Variants in CPEB3 observed in about 807,000 individuals in gnomAD.
CPEB3 encodes the protein cytoplasmic polyadenylation element binding protein 3, also known as cytoplasmic polyadenylation element-binding protein 3.
A neutral mutation model predicts 67.2 loss-of-function variants in CPEB3; 20 were observed. That is an observed-to-expected ratio of 0.30 (90% CI 0.21 to 0.43). The LOEUF is 0.43. CPEB3 is among the 20% of genes least tolerant of loss of function. The pLI is 1.00. For missense variants in CPEB3, 746 were observed against 968.6 expected (o/e 0.77, Z 3.05); for synonymous variants, 376 against 393.1 (o/e 0.96, Z 0.51).
At chr10:92,250,328 C>T (rs555878011) in intron 1 of CPEB3, among the ~76,000 whole-genome samples, 7 of 151,878 alleles carry the variant, frequency 4.6e-5, no homozygotes, top group South Asian at 4.2e-4. Flanking sequence ...CCTCGTGATC[C>T]GCCCACCCTC....
intron 1 of CPEB3, among the ~76,000 whole-genome samples, chr10:92,259,463 T>C (rs1469753587): frequency 6.6e-6 from 1 of 151,868 alleles, no homozygotes; most frequent in South Asian, 2.1e-4. Flanking sequence ...TAGCCGGGCG[T>C]GGTGGCACAT....
chr10:92,198,068 T>C lies in CPEB3; in HGVS notation c.1006-5432A>G, dbSNP rs899521450. Among the ~76,000 whole-genome samples the C allele has an allele frequency of 7.9e-5, 12 of 152,258 alleles. No homozygotes were observed. In the East Asian group the frequency reaches 1.5e-3, roughly 20 times the overall value. On this transcript the variant is annotated intron_variant, in intron 2 of 9. Coordinates refer to ENST00000265997, the MANE Select transcript of CPEB3 (RefSeq NM_014912.5). Reference sequence around the variant, plus strand: ...CTGCAGTGAGCCGAGATCACGCCATTGCACTCCACCCTGGGTGACACAGTG... The same window carrying C: ...CTGCAGTGAGCCGAGATCACGCCATCGCACTCCACCCTGGGTGACACAGTG...
At chr10:92,277,936 G>A (rs1014937243) in intron 1 of CPEB3, among the ~76,000 whole-genome samples, 4 of 150,232 alleles carry the variant, frequency 2.7e-5, no homozygotes, top group Admixed American at 1.3e-4. Flanking sequence ...TGTAATCCCA[G>A]CACTTTGGGA....
At chr10:92,209,856 G>T (rs1006485895) in intron 2 of CPEB3, among the ~76,000 whole-genome samples, 1 of 148,796 alleles carries the variant, frequency 6.7e-6, no homozygotes, top group Non-Finnish European at 1.5e-5. Context: ...AGAATCACTT[G>T]TACCCGAGAG....
chr10:92,290,884 G>C (rs370591755), intron 1 of CPEB3, 42 bp downstream of exon 1: 1 of 153,132 alleles, frequency 6.5e-6, no homozygotes, highest in African/African-American at 2.4e-5. Context: ...CCCACCTGAG[G>C]GCAAGAGCGG....
intron 6 of CPEB3, among the ~76,000 whole-genome samples, chr10:92,141,849 T>C (rs1487680512): frequency 6.6e-6 from 1 of 150,414 alleles, no homozygotes; most frequent in East Asian, 1.9e-4. Context: ...AAACCCTGTC[T>C]CTACTAAAAA....
chr10:92,105,620 T>C (rs1209832529), intron 7 of CPEB3, among the ~76,000 whole-genome samples: 1 of 152,238 alleles, frequency 6.6e-6, no homozygotes, highest in African/African-American at 2.4e-5. Flanking sequence ...TGTATCTTAT[T>C]CTTTTGTTTT....
chr10:92,067,854 G>A (rs1346992581), intron 9 of CPEB3, among the ~76,000 whole-genome samples: 1 of 152,082 alleles, frequency 6.6e-6, no homozygotes, highest in African/African-American at 2.4e-5. Flanking sequence ...TAAAATTAAA[G>A]TGGCAATGTG....
intron 8 of CPEB3, among the ~76,000 whole-genome samples, chr10:92,089,452 C>T (rs562899785): frequency 6.6e-6 from 1 of 151,938 alleles, no homozygotes; most frequent in Admixed American, 6.6e-5. Context: ...ACTATAAAAA[C>T]AAAACATTTT....
chr10:92,290,621 T>G (rs1308629685), intron 1 of CPEB3, among the ~76,000 whole-genome samples: 1 of 152,144 alleles, frequency 6.6e-6, no homozygotes, highest in South Asian at 2.1e-4. Flanking sequence ...GGAAGCTGTC[T>G]GGTCCAGGCA....
At chr10:92,203,367 T>C (rs1209457559) in intron 2 of CPEB3, among the ~76,000 whole-genome samples, 1 of 146,224 alleles carries the variant, frequency 6.8e-6, no homozygotes, top group Non-Finnish European at 1.5e-5. Flanking sequence ...TATATATATG[T>C]ATATATGTAT....
intron 7 of CPEB3, among the ~76,000 whole-genome samples, chr10:92,107,308 A>G (rs1218306061): frequency 6.6e-6 from 1 of 152,176 alleles, no homozygotes; most frequent in Admixed American, 6.5e-5. Context: ...TAGCAAAATC[A>G]CTCTGTTGTA....
intron 9 of CPEB3, among the ~76,000 whole-genome samples, chr10:92,075,566 A>G (rs1363788336): frequency 6.6e-6 from 1 of 152,252 alleles, no homozygotes; most frequent in African/African-American, 2.4e-5. Context: ...ACAGCTCAAT[A>G]AAGCTGTTAC....
chr10:92,155,794 C>T (rs968137395), intron 4 of CPEB3, among the ~76,000 whole-genome samples: 1 of 151,868 alleles, frequency 6.6e-6, no homozygotes, highest in Admixed American at 6.6e-5. Context: ...CAAAGAAGAT[C>T]GTGACTTTTG....
At chr10:92,142,995 C>A (rs770164952) in intron 6 of CPEB3, 34 bp downstream of exon 6, 1 of 1,469,592 alleles carries the variant, frequency 6.8e-7, no homozygotes, top group East Asian at 2.3e-5. Context: ...ATCTCTCCAA[C>A]AGGCAAGCAG....
intron 2 of CPEB3, among the ~76,000 whole-genome samples, chr10:92,223,567 CT>C (rs903904452): frequency 3.3e-3 from 282 of 84,190 alleles, no homozygotes; most frequent in East Asian, 8.5e-3. Flanking sequence ...CTAATTATTT[CT>C]TTTTTTTTTT....
intron 6 of CPEB3, among the ~76,000 whole-genome samples, chr10:92,121,589 A>AT (rs1209468784): frequency 0.014 from 2,074 of 145,254 alleles, 49 homozygotes; most frequent in African/African-American, 0.048. Context: ...AGAGATGTGT[A>AT]TTTTTTTTTT....
chr10:92,213,564 T>C (rs1369470933), intron 2 of CPEB3, among the ~76,000 whole-genome samples: 1 of 152,220 alleles, frequency 6.6e-6, no homozygotes, highest in Non-Finnish European at 1.5e-5. Context: ...AGGCATAATA[T>C]ATCAATTTCA....
intron 1 of CPEB3, chr10:92,272,378 A>G (rs920109110): frequency 6.6e-6 from 1 of 152,104 alleles, no homozygotes; most frequent in Non-Finnish European, 1.5e-5. Flanking sequence ...AATTTCTCCA[A>G]AGATCTCTGT....
Sources: allele counts gnomAD v4.1 joint callset (sites outside exome capture counted in the v4.1 genomes callset), GRCh38; gene constraint gnomAD v4.1.1; transcripts MANE v1.5; gene names NCBI Gene and HGNC (gene_info 2026-07-23, HGNC 2026-07-21).